C12orf42: variants seen among roughly 807,000 people sequenced by gnomAD.
C12orf42 encodes uncharacterized protein C12orf42.
In C12orf42, 25 loss-of-function variants were observed where a neutral mutation model predicts 21.6. That is an observed-to-expected ratio of 1.16 (90% CI 0.84 to 1.62). The LOEUF (loss-of-function observed/expected upper bound fraction) is 1.62, where lower values mean the gene tolerates loss of function less well. Ranked by LOEUF, C12orf42 falls within the 40% of genes most tolerant of loss-of-function variation. The probability of loss-of-function intolerance (pLI) is 0.00; values close to 1 mark genes in which losing one functional copy is unlikely to be tolerated. For missense variants in C12orf42, 483 were observed against 459.3 expected, an observed-to-expected ratio of 1.05 and a Z score of -0.47; for synonymous variants, 174 against 175.0, an observed-to-expected ratio of 0.99 and a Z score of 0.05.
At position 103,432,479 on chromosome 12, in the gene C12orf42, T is replaced by C. The variant is rs571992053; in HGVS notation, c.79-30804A>G. 2.0e-5 allele frequency among the ~76,000 whole-genome samples: 3 copies of C among 152,322 alleles called. No individual in the cohort carries two copies. In the South Asian group the frequency reaches 6.2e-4, roughly 32 times the overall value. On this transcript the variant is annotated intron_variant, in intron 2 of 5. Coordinates refer to ENST00000548883, the MANE Select transcript of C12orf42 (RefSeq NM_198521.5). ...CCTACTGTAACATTAATAAACACTTTCTAGAACCTTACTTGATGTGCTGAA... is the reference window on the plus strand; with the variant it reads ...CCTACTGTAACATTAATAAACACTTCCTAGAACCTTACTTGATGTGCTGAA...
At chr12:103,337,496 G>T in intron 4 of C12orf42, among the ~76,000 whole-genome samples, 1 of 152,228 alleles carries the variant, frequency 6.6e-6, no homozygotes, top group East Asian at 1.9e-4. Context: ...GACTACAGGC[G>T]CACGCCACCC....
chr12:103,524,962 T>TG, the C12orf42 span, among the ~76,000 whole-genome samples: 3,873 of 23,178 alleles, frequency 0.17, 120 homozygotes, highest in East Asian at 0.42. Context: ...TTAGTTTTTT[T>TG]GGGGGGGGGG....
At chr12:103,331,741 G>A (rs913986683) in intron 4 of C12orf42, among the ~76,000 whole-genome samples, 3 of 152,106 alleles carry the variant, frequency 2.0e-5, no homozygotes, top group African/African-American at 4.8e-5. Flanking sequence ...CGCGGCAGCC[G>A]GACACAGGAC....
intron 2 of C12orf42, among the ~76,000 whole-genome samples, chr12:103,403,326 A>G (rs1283026867): frequency 6.6e-6 from 1 of 150,932 alleles, no homozygotes; most frequent in Non-Finnish European, 1.5e-5. Context: ...CAGTGAGCTG[A>G]GATTGCCCCA....
intron 1 of C12orf42, among the ~76,000 whole-genome samples, chr12:103,494,771 C>T (rs535605797): frequency 1.3e-5 from 2 of 152,172 alleles, no homozygotes; most frequent in South Asian, 2.1e-4. Context: ...AGTTTTCATG[C>T]CCTTAGTATA....
the C12orf42 span, among the ~76,000 whole-genome samples, chr12:103,225,783 G>A: frequency 1.3e-5 from 2 of 152,160 alleles, no homozygotes; most frequent in African/African-American, 2.4e-5. Context: ...CAGTTATGGA[G>A]GCAAGGGAAA....
Position 103,302,106 on chromosome 12 carries a change from GGTCAA to G in C12orf42, c.1080_*1del. On this transcript the variant is annotated stop_lost and 3_prime_UTR_variant, in exon 6 of 6. Transcript: ENST00000548883. Reference sequence around the variant, plus strand: ...ACTCGCCGAACAATTCCCTCGCAGCGGTCAATGTAAGTGAGCATTCACCACCGGCC... The same window carrying G: ...ACTCGCCGAACAATTCCCTCGCAGCGTGTAAGTGAGCATTCACCACCGGCC... 6.2e-7 allele frequency: 1 copy of G among 1,608,656 alleles called. No individual in the cohort carries two copies. Among genetic ancestry groups the G allele is most frequent in the Non-Finnish European group, 8.5e-7 (1 of 1,177,556 alleles).
At chr12:103,554,846 CA>C in the C12orf42 span, among the ~76,000 whole-genome samples, 1 of 152,182 alleles carries the variant, frequency 6.6e-6, no homozygotes, top group Non-Finnish European at 1.5e-5. Flanking sequence ...CACCTTCCAG[CA>C]GGCCCCATCT....
chr12:103,066,226 A>G, the C12orf42 span, among the ~76,000 whole-genome samples: 4 of 152,180 alleles, frequency 2.6e-5, no homozygotes, highest in Admixed American at 6.5e-5. Context: ...CCTATCATAA[A>G]CTGGGTGCTT....
the C12orf42 span, among the ~76,000 whole-genome samples, chr12:103,057,280 C>G: frequency 2.6e-5 from 4 of 151,650 alleles, no homozygotes; most frequent in Non-Finnish European, 5.9e-5. Flanking sequence ...GTTTGCTGCA[C>G]CTATCAACCC....
chr12:103,353,980 A>G (rs923766759), intron 4 of C12orf42, among the ~76,000 whole-genome samples: 3 of 152,156 alleles, frequency 2.0e-5, no homozygotes, highest in African/African-American at 4.8e-5. Flanking sequence ...AGCAAGGCTC[A>G]ATCAGGCTTC....
At chr12:103,365,899 G>T (rs140536740) in intron 4 of C12orf42, among the ~76,000 whole-genome samples, 1 of 151,844 alleles carries the variant, frequency 6.6e-6, no homozygotes, top group African/African-American at 2.4e-5. Context: ...TGACCATACC[G>T]CCAAAAGCAA....
the C12orf42 span, among the ~76,000 whole-genome samples, chr12:103,120,584 C>T: frequency 2.0e-5 from 3 of 151,982 alleles, no homozygotes; most frequent in African/African-American, 7.2e-5. Context: ...TCTATTTCTC[C>T]ATGCTTCACT....
chr12:103,481,300 G>C (rs1954453800), intron 1 of C12orf42, among the ~76,000 whole-genome samples: 1 of 151,770 alleles, frequency 6.6e-6, no homozygotes. Context: ...TAGTTACTCT[G>C]TTCTATCATG....
chr12:103,287,066 G>A (rs2036513592), intron 4 of C12orf42, among the ~76,000 whole-genome samples: 1 of 152,222 alleles, frequency 6.6e-6, no homozygotes, highest in Non-Finnish European at 1.5e-5. Context: ...AGGTGCTGGA[G>A]AGGATGTGGA....
chr12:103,380,108 C>A (rs2046039791), intron 3 of C12orf42, among the ~76,000 whole-genome samples: 1 of 152,148 alleles, frequency 6.6e-6, no homozygotes, highest in Non-Finnish European at 1.5e-5. Context: ...TTTATTATTT[C>A]TATGGCTTGT....
chr12:103,147,493 C>CTTTTTTTTTATTTTTTTTTTTTTT, the C12orf42 span, among the ~76,000 whole-genome samples: 1 of 84,982 alleles, frequency 1.2e-5, no homozygotes, highest in Non-Finnish European at 2.2e-5. Context: ...TTCTTTTTTT[C>CTTTTTTTTTATTTTTTTTTTTTTT]TTTTTTTTTC....
At chr12:103,353,654 C>G (rs1357405251) in intron 4 of C12orf42, among the ~76,000 whole-genome samples, 7 of 152,142 alleles carry the variant, frequency 4.6e-5, no homozygotes, top group Non-Finnish European at 1.0e-4. Flanking sequence ...TGCATCATTT[C>G]TCCCCAAAAG....
the C12orf42 span, among the ~76,000 whole-genome samples, chr12:103,128,693 T>A: frequency 3.9e-5 from 6 of 152,166 alleles, no homozygotes; most frequent in South Asian, 1.2e-3. Flanking sequence ...CAGGGCATGA[T>A]GTATGGTAGG....
Sources: gnomAD v4.1 joint callset for allele counts (sites outside exome capture counted in the v4.1 genomes callset) on GRCh38, gnomAD v4.1.1 for gene constraint, MANE v1.5 for transcripts, NCBI Gene and HGNC (gene_info 2026-07-23, HGNC 2026-07-21) for gene names.